The following TTR variants were observed in gnomAD, a reference collection of about 807,000 sequenced individuals.
The protein encoded by TTR is transthyretin, also known as epididymis luminal protein 111.
In TTR, 8 loss-of-function variants were observed where a neutral mutation model predicts 13.7. That is an observed-to-expected ratio of 0.58 (90% CI 0.34 to 1.05). The LOEUF is 1.05. Ranked by LOEUF, TTR falls within the 50% of genes least tolerant of loss-of-function variation. TTR has a pLI of 0.02. For synonymous variants in TTR, 75 were observed against 71.7 expected (o/e 1.05, Z -0.23); for missense variants, 135 against 185.5 (o/e 0.73, Z 1.58).
rs767977866 is a variant in TTR at position 31,592,870 on chromosome 18, T to C, written c.70-26T>C. 9.9e-6 allele frequency: 16 copies of C among 1,612,986 alleles called. No individual in the cohort carries two copies. In the African/African-American group the frequency reaches 2.1e-4, roughly 22 times the overall value. On this transcript the variant is annotated intron_variant, in intron 1 of 3. Transcript: ENST00000237014. ...TTTCACTCTGATCAATTTTGTTAAC[T>C]TCTCACGTGTCTTCTCTACACCCAG... is the stretch of plus-strand genomic sequence containing the variant.
At position 31,591,915 on chromosome 18, in the gene TTR, C is replaced by G. The variant is rs144792001; in HGVS notation, c.13C>G (p.Arg5Gly). ...CATTCTTGGCAGGATGGCTTCTCAT[C>G]GTCTGCTCCTCCTCTGCCTTGCTGG... is the stretch of plus-strand genomic sequence containing the variant. MASH[R>G]LLLLCLAGLV... Residue 5 changes from arginine (R) to glycine (G), a missense_variant, in exon 1 of 4, where the codon CGT (arginine) becomes GGT (glycine). By Grantham distance (125) the Arg-to-Gly change is moderately radical. Transcript: ENST00000237014. 4 of 1,614,144 alleles carry G rather than the reference C, an allele frequency of 2.5e-6. No individual in the cohort carries two copies. Among genetic ancestry groups the G allele is most frequent in the Non-Finnish European group, 2.5e-6 (3 of 1,180,028 alleles).
Position 31,591,941 on chromosome 18 carries a change from A to G in TTR, c.39A>G (p.Gly13=). The G allele has an allele frequency of 6.2e-7, 1 of 1,614,050 alleles. No homozygotes were observed. The highest frequency in any genetic ancestry group is 8.5e-7 in the Non-Finnish European group (1 of 1,180,014). ...GTCTGCTCCTCCTCTGCCTTGCTGGACTGGTATTTGTGTCTGAGGCTGGCC... is the reference window on the plus strand; with the variant it reads ...GTCTGCTCCTCCTCTGCCTTGCTGGGCTGGTATTTGTGTCTGAGGCTGGCC... The part of the protein sequence containing the change: ...SHRLLLLCLA[G]LVFVSEAGPT... The change falls in exon 1 of 4, where the codon GGA becomes GGG. Residue 13 remains glycine (G), a synonymous_variant. Transcript: ENST00000237014.
At chr18:31,594,138 C>T (rs1413954044) in intron 2 of TTR, among the ~76,000 whole-genome samples, 1 of 149,602 alleles carries the variant, frequency 6.7e-6, no homozygotes, top group East Asian at 2.0e-4. Context: ...TTCCTTGCAC[C>T]AGGACAAAAA....
intron 3 of TTR, among the ~76,000 whole-genome samples, chr18:31,597,710 C>T: frequency 6.6e-6 from 1 of 152,228 alleles, no homozygotes; most frequent in Non-Finnish European, 1.5e-5. Context: ...TCTTCTACCT[C>T]TTTCCTGACC....
chr18:31,595,209 C>A lies in TTR; in HGVS notation c.290C>A (p.Ser97Tyr), dbSNP rs121918071. The stretch of plus-strand genomic sequence containing the variant: ...TACAAAGTGGAAATAGACACCAAAT[C>A]TTACTGGAAGGCACTTGGCATCTCC... ...GIYKVEIDTK[S>Y]YWKALGISPF... Residue 97 changes from serine to tyrosine, a missense_variant, in exon 3 of 4, where the codon TCT becomes TAT. By Grantham distance (144) the Ser-to-Tyr change is moderately radical. Coordinates refer to ENST00000237014, the MANE Select transcript of TTR (RefSeq NM_000371.4). The A allele has an allele frequency of 1.9e-6, 3 of 1,614,140 alleles. No individual in the cohort carries two copies. Among genetic ancestry groups the A allele is most frequent in the Non-Finnish European group, 1.7e-6 (2 of 1,180,018 alleles).
At chr18:31,595,508 C>T (rs901225096) in intron 3 of TTR, 1 of 607,284 alleles carries the variant, frequency 1.6e-6, no homozygotes. Flanking sequence ...CTATTCATTC[C>T]ACTTTATATG....
At chr18:31,595,699 T>C in intron 3 of TTR, 6 of 352,600 alleles carry the variant, frequency 1.7e-5, no homozygotes, top group South Asian at 1.3e-4. Context: ...CACATACCTA[T>C]AGAGACAATA....
chr18:31,598,747 C>G lies in TTR; in HGVS notation c.*72C>G. ...TGTAACCAAGAGTATTCCATTTTTA[C>G]TAAAGCAGTGTTTTCACCTCATATG... On this transcript the variant is annotated 3_prime_UTR_variant, in exon 4 of 4. Transcript: ENST00000237014. 1 of 1,511,638 alleles carries G rather than the reference C, an allele frequency of 6.6e-7. No homozygotes were observed. The highest frequency in any genetic ancestry group is 9.1e-7 in the Non-Finnish European group (1 of 1,093,754). 93.6% of individuals were successfully genotyped at this position (1,511,638 alleles called of 1,614,324 possible). A position where few individuals can be genotyped will look rare whatever the true frequency, so the allele number is the denominator to read the frequency against.
At chr18:31,596,457 C>T (rs1323180987) in intron 3 of TTR, among the ~76,000 whole-genome samples, 2 of 152,072 alleles carry the variant, frequency 1.3e-5, no homozygotes, top group African/African-American at 2.4e-5. Context: ...GTTTCGGCGG[C>T]GCCCAGCACA....
intron 3 of TTR, chr18:31,597,976 T>TA: frequency 5.3e-6 from 1 of 188,366 alleles, no homozygotes; most frequent in Non-Finnish European, 1.1e-5. Context: ...TTGTTATACA[T>TA]AAAAATATAC....
intron 2 of TTR, chr18:31,593,482 T>C (rs940011263): frequency 5.3e-6 from 1 of 186,958 alleles, no homozygotes; most frequent in Non-Finnish European, 1.1e-5. Context: ...GTATAATGTG[T>C]ATTAACCCAT....
chr18:31,596,673 TAAA>T (rs10707844), intron 3 of TTR, among the ~76,000 whole-genome samples: 19 of 144,866 alleles, frequency 1.3e-4, no homozygotes, highest in African/African-American at 4.1e-4. Flanking sequence ...CAACAAACAT[TAAA>T]AAAAAAAAAA....
chr18:31,593,594 G>C (rs2073498236), intron 2 of TTR: 1 of 156,766 alleles, frequency 6.4e-6, no homozygotes. Context: ...GAACACTTTG[G>C]GGCACCTACT....
chr18:31,596,330 T>C (rs1364600171), intron 3 of TTR: 1 of 152,828 alleles, frequency 6.5e-6, no homozygotes, highest in Non-Finnish European at 1.5e-5. Flanking sequence ...ACAACAGGGG[T>C]TTGTTTGACT....
At chr18:31,593,072 C>T (rs371148208) in intron 2 of TTR, 46 bp downstream of exon 2, 9 of 1,610,792 alleles carry the variant, frequency 5.6e-6, no homozygotes, top group South Asian at 1.1e-5. Flanking sequence ...TTTATCTTCC[C>T]GTTTGCCCCT....
intron 3 of TTR, among the ~76,000 whole-genome samples, chr18:31,596,966 C>G (rs1179641681): frequency 6.6e-6 from 1 of 152,136 alleles, no homozygotes; most frequent in South Asian, 2.1e-4. Flanking sequence ...GGCCAGTGAC[C>G]CAGGTGGTCA....
intron 1 of TTR, 26 bp downstream of exon 1, chr18:31,591,997 C>A (rs1303884813): frequency 8.7e-6 from 14 of 1,612,632 alleles, no homozygotes; most frequent in Non-Finnish European, 1.2e-5. Flanking sequence ...ACATCCCATT[C>A]CTACATTTAA....
intron 3 of TTR, chr18:31,595,785 G>T: frequency 7.3e-6 from 2 of 275,102 alleles, no homozygotes; most frequent in Non-Finnish European, 1.4e-5. Flanking sequence ...AATTATAAGT[G>T]TTTTCCATAT....
intron 3 of TTR, chr18:31,595,861 A>T (rs978910913): frequency 5.5e-5 from 10 of 182,292 alleles, no homozygotes; most frequent in African/African-American, 1.9e-4. Flanking sequence ...CATCTTATAG[A>T]TGAAGAAAAT....
Sources: allele counts gnomAD v4.1 joint callset (sites outside exome capture counted in the v4.1 genomes callset), GRCh38; gene constraint gnomAD v4.1.1; transcripts MANE v1.5; gene names NCBI Gene and HGNC (gene_info 2026-07-23, HGNC 2026-07-21).